Variants in ATF7 observed in about 807,000 individuals in gnomAD.
ATF7 encodes the protein cyclic AMP-dependent transcription factor ATF-7.
In ATF7, 10 loss-of-function variants were observed where a neutral mutation model predicts 50.4. That is an observed-to-expected ratio of 0.20 (90% CI 0.12 to 0.34). The LOEUF is 0.34. Ranked by LOEUF, ATF7 falls within the 10% of genes least tolerant of loss-of-function variation. ATF7 has a pLI of 1.00. For missense variants in ATF7, 465 were observed against 613.9 expected, an observed-to-expected ratio of 0.76 and a Z score of 2.56; for synonymous variants, 201 against 226.4, an observed-to-expected ratio of 0.89 and a Z score of 1.01.
intron 3 of ATF7, among the ~76,000 whole-genome samples, chr12:53,546,375 A>AAAAAAAC (rs71068137): frequency 3.5e-4 from 52 of 150,614 alleles, no homozygotes; most frequent in Middle Eastern, 3.4e-3. Context: ...ACCTGTCTCA[A>AAAAAAAC]AAAAAACAAA....
chr12:53,511,393 C>T (rs904911826), downstream of ATF7, among the ~76,000 whole-genome samples: 7 of 152,102 alleles, frequency 4.6e-5, no homozygotes, highest in Non-Finnish European at 1.0e-4. Flanking sequence ...GGATTACAGG[C>T]GCCCGCCACC....
intron 3 of ATF7, among the ~76,000 whole-genome samples, chr12:53,550,183 C>A (rs554813433): frequency 6.6e-6 from 1 of 151,530 alleles, no homozygotes; most frequent in East Asian, 2.0e-4. Context: ...ATTAGCCGAT[C>A]GGTAGTGGTG....
chr12:53,546,374 A>G (rs1001586949), intron 3 of ATF7, among the ~76,000 whole-genome samples: 2 of 142,112 alleles, frequency 1.4e-5, no homozygotes, highest in African/African-American at 5.3e-5. Context: ...AACCTGTCTC[A>G]AAAAAAACAA....
chr12:53,617,879 T>C (rs1944207064), intron 1 of ATF7, among the ~76,000 whole-genome samples: 1 of 132,716 alleles, frequency 7.5e-6, no homozygotes, highest in Non-Finnish European at 1.6e-5. Flanking sequence ...CAGTCCATTA[T>C]ACAGAAGACC....
At chr12:53,528,918 G>A (rs1356948232) in intron 9 of ATF7, among the ~76,000 whole-genome samples, 3 of 151,832 alleles carry the variant, frequency 2.0e-5, no homozygotes, top group African/African-American at 7.3e-5. Context: ...CGGGAAGAAC[G>A]ACAAGGAAAG....
chr12:53,625,317 G>A (rs1944558626), intron 1 of ATF7, among the ~76,000 whole-genome samples: 1 of 152,160 alleles, frequency 6.6e-6, no homozygotes, highest in Non-Finnish European at 1.5e-5. Context: ...AGCGATGAAA[G>A]CGTTCTATTT....
At chr12:53,523,110 A>G (rs1426355131) in intron 11 of ATF7, 166 bp downstream of exon 11, 1 of 583,710 alleles carries the variant, frequency 1.7e-6, no homozygotes, top group Admixed American at 3.1e-5. Context: ...TATCGTCTAC[A>G]AAAACATTTT....
rs1190536818 is a variant in ATF7, at chr12:53,516,136, C to A, written c.*1001G>T. On this transcript the variant is annotated 3_prime_UTR_variant, in exon 12 of 12. Transcript: ENST00000420353. ...GGAGCAGAAAAATGACCAAAGATGA[C>A]AATATGCTTTGGCCGGTAAACTCTT... 6.6e-6 allele frequency: 1 copy of A among 152,172 alleles called. No homozygotes were observed. The highest frequency in any genetic ancestry group is 1.5e-5 in the Non-Finnish European group (1 of 68,062). 9.4% of individuals were successfully genotyped at this position (152,172 alleles called of 1,614,324 possible).
intron 1 of ATF7, among the ~76,000 whole-genome samples, chr12:53,617,436 T>C (rs1276807693): frequency 6.6e-6 from 1 of 152,182 alleles, no homozygotes; most frequent in Admixed American, 6.5e-5. Flanking sequence ...GAGAGCAGCC[T>C]GGCCAACATG....
chr12:53,607,652 A>G (rs1050790320), intron 1 of ATF7, among the ~76,000 whole-genome samples: 1 of 150,856 alleles, frequency 6.6e-6, no homozygotes. Flanking sequence ...GTTAAATGGG[A>G]AAAAAAAACA....
chr12:53,602,055 C>A (rs1039673415), intron 1 of ATF7, among the ~76,000 whole-genome samples: 6 of 152,024 alleles, frequency 3.9e-5, no homozygotes, highest in African/African-American at 1.4e-4. Flanking sequence ...ATTAGAAATG[C>A]AAATCATAGT....
chr12:53,609,821 C>CTTTTTTTTTTTT (rs757421100), intron 1 of ATF7, among the ~76,000 whole-genome samples: 2,075 of 115,668 alleles, frequency 0.018, 197 homozygotes, highest in African/African-American at 0.031. Context: ...AAATGTTATG[C>CTTTTTTTTTTTT]TTTTTTTTTT....
chr12:53,537,634 G>C (rs1388559073), intron 4 of ATF7, 82 bp from the exon 5 acceptor site: 9 of 1,498,808 alleles, frequency 6.0e-6, no homozygotes, highest in Non-Finnish European at 8.1e-6. Flanking sequence ...TCCAAGATAA[G>C]GGAATATGCT....
chr12:53,559,121 TAAA>T (rs777243513), intron 2 of ATF7, among the ~76,000 whole-genome samples: 1 of 136,474 alleles, frequency 7.3e-6, no homozygotes. Flanking sequence ...TGTCTCTATT[TAAA>T]AAAAAAAAAA....
Position 53,581,116 on chromosome 12 carries a change from A to G in ATF7, c.48+19837T>C, listed in dbSNP as rs539131175. On this transcript the variant is annotated intron_variant, in intron 2 of 11. Coordinates refer to ENST00000420353, the MANE Select transcript of ATF7 (RefSeq NM_006856.3). Reference sequence around the variant, plus strand: ...GACAGAGCAAGATTCCATCTCAAAAAAAAAAATAAATAAAAAATAAAAATA... The same window carrying G: ...GACAGAGCAAGATTCCATCTCAAAAGAAAAAATAAATAAAAAATAAAAATA... 6.6e-5 allele frequency among the ~76,000 whole-genome samples: 10 copies of G among 152,112 alleles called. No homozygotes were observed. The South Asian group carries it at 1.2e-3, about 19-fold the overall frequency.
chr12:53,520,991 C>A (rs892794491), intron 11 of ATF7, among the ~76,000 whole-genome samples: 1 of 149,228 alleles, frequency 6.7e-6, no homozygotes, highest in Non-Finnish European at 1.5e-5. Context: ...TAAGTCAGAT[C>A]AATTTTTTTT....
At chr12:53,582,806 CA>C (rs1318057429) in intron 2 of ATF7, among the ~76,000 whole-genome samples, 2 of 152,032 alleles carry the variant, frequency 1.3e-5, no homozygotes, top group Non-Finnish European at 2.9e-5. Context: ...AGGATGGTCT[CA>C]TCTCCTGACC....
rs1937644935 is a variant in ATF7 at position 53,515,367 on chromosome 12, T to C, written c.*1770A>G. ...AAATAAGAAAGGAAGCTGGCAGTTA[T>C]TTTGTATGTATGTTTAAGATGGAGG... On this transcript the variant is annotated 3_prime_UTR_variant, in exon 12 of 12. Coordinates refer to ENST00000420353, the MANE Select transcript of ATF7 (RefSeq NM_006856.3). 3 of 152,180 alleles carry C rather than the reference T, an allele frequency of 2.0e-5. No individual in the cohort carries two copies. Among genetic ancestry groups the C allele is most frequent in the African/African-American group, 7.2e-5 (3 of 41,436 alleles). 9.4% of individuals were successfully genotyped at this position (152,180 alleles called of 1,614,324 possible).
In ATF7 at chr12:53,518,820, C is replaced by T. The variant is rs913400825; in HGVS notation, c.1235-1466G>A. Among the ~76,000 whole-genome samples the T allele has an allele frequency of 1.2e-4, 18 of 151,288 alleles. 1 individual carries two copies. The highest frequency in any genetic ancestry group is 3.7e-4 in the African/African-American group (15 of 41,078). On this transcript the variant is annotated intron_variant, in intron 11 of 11. Transcript: ENST00000420353. ...CAGCACTTTCAGAGGCCAAGCTGGG[C>T]GGATCAGGAGGTCAGGAGATCGAGA...
Sources: allele counts gnomAD v4.1 joint callset (sites outside exome capture counted in the v4.1 genomes callset), GRCh38; gene constraint gnomAD v4.1.1; transcripts MANE v1.5; gene names NCBI Gene and HGNC (gene_info 2026-07-23, HGNC 2026-07-21).